The following HTR3B variants were observed in gnomAD, a reference collection of about 807,000 sequenced individuals.
HTR3B encodes the protein 5-hydroxytryptamine receptor 3B.
A neutral mutation model predicts 42.8 loss-of-function variants in HTR3B; 44 were observed. The ratio of observed to expected loss-of-function variants is 1.03; its 90% CI spans 0.81 to 1.32. The LOEUF is 1.32. Ranked by LOEUF, HTR3B falls within the 40% of genes most tolerant of loss-of-function variation. The pLI, the probability that HTR3B is intolerant of heterozygous loss-of-function variation, is 0.00. For synonymous variants in HTR3B, 203 were observed against 209.0 expected, an observed-to-expected ratio of 0.97 and a Z score of 0.25; for missense variants, 527 against 536.5, an observed-to-expected ratio of 0.98 and a Z score of 0.17.
At chr11:113,942,835 A>C (rs1950146069) in intron 6 of HTR3B, 147 bp from the exon 7 acceptor site, 1 of 679,698 alleles carries the variant, frequency 1.5e-6, no homozygotes, top group African/African-American at 1.8e-5. Context: ...AAGTAACCTG[A>C]AACATATTTC....
intron 2 of HTR3B, among the ~76,000 whole-genome samples, chr11:113,911,619 CG>C (rs1239257206): frequency 6.6e-6 from 1 of 151,898 alleles, no homozygotes; most frequent in Non-Finnish European, 1.5e-5. Flanking sequence ...CTCCGCCTCC[CG>C]GGGACAAGCA....
intron 2 of HTR3B, among the ~76,000 whole-genome samples, chr11:113,925,417 GTTTTT>G (rs201996305): frequency 0.023 from 2,311 of 100,648 alleles, 33 homozygotes; most frequent in African/African-American, 0.081. Context: ...TTACGAATTT[GTTTTT>G]TTTTTTTTTT....
At chr11:113,942,850 A>T (rs1025095401) in intron 6 of HTR3B, 132 bp from the exon 7 acceptor site, 1 of 729,832 alleles carries the variant, frequency 1.4e-6, no homozygotes, top group African/African-American at 1.8e-5. Context: ...TATTTCTAAG[A>T]TAAATTAGAC....
intron 7 of HTR3B, among the ~76,000 whole-genome samples, chr11:113,943,503 T>C (rs1226244362): frequency 5.9e-5 from 9 of 152,006 alleles, no homozygotes; most frequent in Admixed American, 5.9e-4. Context: ...CTGGCTAATT[T>C]GTTGTATTTT....
In HTR3B at chr11:113,931,758, G is replaced by T. The variant is rs1437703127; in HGVS notation, c.259G>T (p.Val87Phe). Residue 87 changes from valine (V) to phenylalanine (F), a missense_variant and splice_region_variant, in exon 4 of 9, where the codon GTC becomes TTC. Transcript: ENST00000260191. ...TTTTCTTTTTGGCTACTACTAACAG[G>T]TCTGGAATGATGAATTTTTATCCTG... ...ILKTSVWYQE[V>F]WNDEFLSWNS... is the part of the protein sequence containing the mutation. 1 of 1,588,934 alleles carries T rather than the reference G, an allele frequency of 6.3e-7. No homozygotes were observed.
chr11:113,905,127 T>G, intron 1 of HTR3B, 142 bp downstream of exon 1: 1 of 618,436 alleles, frequency 1.6e-6, no homozygotes, highest in Non-Finnish European at 2.8e-6. Flanking sequence ...CCTGTGAAGC[T>G]ATATGGAAAA....
At position 113,908,073 on chromosome 11, in the gene HTR3B, T is replaced by C. The variant is rs150712617; in HGVS notation, c.53-1222T>C. Reference sequence around the variant, plus strand: ...ACGCCATTTTAGGCATCTTCTTGGGTGGATTGTTAGGGAGTTAAAATGCTC... The same window carrying C: ...ACGCCATTTTAGGCATCTTCTTGGGCGGATTGTTAGGGAGTTAAAATGCTC... On this transcript the variant is annotated intron_variant, in intron 1 of 8. Coordinates refer to ENST00000260191, the MANE Select transcript of HTR3B (RefSeq NM_006028.5). Among the ~76,000 whole-genome samples, 196 of 152,242 alleles carry C rather than the reference T, an allele frequency of 1.3e-3. 2 individuals carry two copies. The highest frequency in any genetic ancestry group is 4.2e-3 in the African/African-American group (174 of 41,552).
intron 2 of HTR3B, among the ~76,000 whole-genome samples, chr11:113,912,235 A>T (rs978842804): frequency 2.6e-5 from 4 of 151,794 alleles, no homozygotes; most frequent in African/African-American, 9.7e-5. Context: ...ATATGTTTCC[A>T]TTTCTTTTTT....
At chr11:113,908,187 G>A (rs1472333670) in intron 1 of HTR3B, among the ~76,000 whole-genome samples, 2 of 152,266 alleles carry the variant, frequency 1.3e-5, no homozygotes, top group Non-Finnish European at 2.9e-5. Flanking sequence ...TGTTGTTAGC[G>A]TTTTGGTCAC....
intron 2 of HTR3B, among the ~76,000 whole-genome samples, chr11:113,912,258 C>CT (rs1331997020): frequency 3.3e-5 from 5 of 150,974 alleles, no homozygotes; most frequent in Non-Finnish European, 4.4e-5. Context: ...TTTCTTTTTT[C>CT]TTTTTTTTGA....
chr11:113,945,875 C>T, intron 8 of HTR3B, 27 bp from the exon 9 acceptor site: 1 of 1,534,330 alleles, frequency 6.5e-7, no homozygotes. Flanking sequence ...CCCTGGCTCA[C>T]CCAGGGTGTT....
intron 7 of HTR3B, 131 bp from the exon 8 acceptor site, chr11:113,944,442 A>C: frequency 1.3e-6 from 1 of 770,248 alleles, no homozygotes; most frequent in Non-Finnish European, 2.1e-6. Context: ...TTAAGGCTAC[A>C]GTGAGCCATG....
chr11:113,930,041 C>A (rs1950017421), intron 2 of HTR3B, among the ~76,000 whole-genome samples: 1 of 152,130 alleles, frequency 6.6e-6, no homozygotes, highest in Non-Finnish European at 1.5e-5. Flanking sequence ...CGGCCTCGCC[C>A]ATTTTAAAAC....
At chr11:113,927,241 C>G (rs1466849731) in intron 2 of HTR3B, among the ~76,000 whole-genome samples, 1 of 152,136 alleles carries the variant, frequency 6.6e-6, no homozygotes, top group Non-Finnish European at 1.5e-5. Flanking sequence ...TTTCATCTTG[C>G]AAAACTGAAA....
Position 113,944,858 on chromosome 11 carries a change from C to A in HTR3B, c.1090+103C>A, listed in dbSNP as rs925033030. 1.7e-5 allele frequency: 17 copies of A among 1,023,786 alleles called. No individual in the cohort carries two copies. In the African/African-American group the frequency reaches 2.1e-4, roughly 12 times the overall value. 63.4% of individuals were successfully genotyped at this position (1,023,786 alleles called of 1,614,324 possible). The stretch of plus-strand genomic sequence containing the variant: ...GTATTGCGTTGGCCTATGTGAAAAA[C>A]CTACAACAACTGCTTCTTAGCCTGG... On this transcript the variant is annotated intron_variant, in intron 8 of 8. Coordinates refer to ENST00000260191, the MANE Select transcript of HTR3B (RefSeq NM_006028.5).
intron 7 of HTR3B, 92 bp downstream of exon 7, chr11:113,943,284 A>G: frequency 1.8e-6 from 2 of 1,116,928 alleles, no homozygotes; most frequent in Non-Finnish European, 2.6e-6. Flanking sequence ...TGCCCGTAAT[A>G]TCAGCACTTT....
chr11:113,917,768 C>A (rs1949870817), intron 2 of HTR3B, among the ~76,000 whole-genome samples: 1 of 152,076 alleles, frequency 6.6e-6, no homozygotes, highest in African/African-American at 2.4e-5. Context: ...CCACACCCAG[C>A]TGGTTTTTGT....
chr11:113,904,783 G>A, upstream of HTR3B: 1 of 643,250 alleles, frequency 1.6e-6, no homozygotes, highest in Non-Finnish European at 2.8e-6. Context: ...GTCCCACTGA[G>A]TGTTTACAAA....
intron 8 of HTR3B, 125 bp downstream of exon 8, chr11:113,944,880 CTGGG>C: frequency 1.3e-6 from 1 of 779,988 alleles, no homozygotes; most frequent in Non-Finnish European, 2.0e-6. Flanking sequence ...GCTTCTTAGC[CTGGG>C]TGTGGCATTT....
Sources: allele counts gnomAD v4.1 joint callset (sites outside exome capture counted in the v4.1 genomes callset), GRCh38; gene constraint gnomAD v4.1.1; transcripts MANE v1.5; gene names NCBI Gene and HGNC (gene_info 2026-07-23, HGNC 2026-07-21).